BNC2: variants seen among roughly 807,000 people sequenced by gnomAD.
BNC2 encodes zinc finger protein basonuclin-2.
A neutral mutation model predicts 76.3 loss-of-function variants in BNC2; 20 were observed. The observed-to-expected ratio is 0.26, with a 90% CI of 0.18 to 0.38. The LOEUF (loss-of-function observed/expected upper bound fraction) is 0.38, where lower values mean the gene tolerates loss of function less well. Among genes scored for constraint, BNC2 ranks in the 10% least tolerant of loss-of-function variants. The pLI is 1.00. For missense variants in BNC2, 1,382 were observed against 1,399.8 expected (o/e 0.99, Z 0.20); for synonymous variants, 582 against 514.8 (o/e 1.13, Z -1.77).
intron 1 of BNC2, among the ~76,000 whole-genome samples, chr9:16,854,562 A>G (rs576097433): frequency 6.6e-6 from 1 of 152,148 alleles, no homozygotes; most frequent in African/African-American, 2.4e-5. Context: ...CTTGCAATAT[A>G]TATCTTTTTT....
At chr9:16,561,435 T>C (rs914061221) in intron 4 of BNC2, among the ~76,000 whole-genome samples, 2 of 152,154 alleles carry the variant, frequency 1.3e-5, no homozygotes, top group African/African-American at 2.4e-5. Context: ...CTCAGTAGAG[T>C]ATGCCTAAGC....
Position 16,418,348 on chromosome 9 carries a change from AAACT to A in BNC2, c.*637_*640del, listed in dbSNP as rs1820629140. The A allele has an allele frequency of 6.5e-6, 1 of 152,786 alleles. No individual in the cohort carries two copies. Among genetic ancestry groups the A allele is most frequent in the Non-Finnish European group, 1.5e-5 (1 of 68,158 alleles). 9.5% of individuals were successfully genotyped at this position (152,786 alleles called of 1,614,324 possible). A position where few individuals can be genotyped will look rare whatever the true frequency, so the allele number is the denominator to read the frequency against. On this transcript the variant is annotated 3_prime_UTR_variant, in exon 7 of 7. Coordinates refer to ENST00000380672, the MANE Select transcript of BNC2 (RefSeq NM_017637.6). ...ACATAAATGAATAGAGCTAGCCAGC[AAACT>A]ATCTTTTCCTGCATATCTAACAGCT...
At chr9:16,855,174 GAACA>G (rs977310832) in intron 1 of BNC2, among the ~76,000 whole-genome samples, 2 of 152,016 alleles carry the variant, frequency 1.3e-5, no homozygotes, top group African/African-American at 4.8e-5. Flanking sequence ...CTCAGCTGGT[GAACA>G]AACTGAATGC....
rs368373957 is a variant in BNC2 at position 16,485,111 on chromosome 9, G to GACACACACAGAC, written c.670-47588_670-47587insGTCTGTGTGTGT. 4.5e-3 allele frequency among the ~76,000 whole-genome samples: 653 copies of GACACACACAGAC among 143,660 alleles called. 4 individuals are homozygous for GACACACACAGAC. Among genetic ancestry groups the GACACACACAGAC allele is most frequent in the Non-Finnish European group, 7.4e-3 (473 of 63,914 alleles). 94.2% of individuals were successfully genotyped at this position (143,660 alleles called of 152,430 possible). A position where few individuals can be genotyped will look rare whatever the true frequency, so the allele number is the denominator to read the frequency against. ...ACACACACACACAGAGACACACACA[G>GACACACACAGAC]ACACACACACACACACACACTATTT... is the stretch of plus-strand genomic sequence containing the variant. On this transcript the variant is annotated intron_variant, in intron 5 of 6. Transcript: ENST00000380672.
chr9:16,787,974 G>A (rs112121727), intron 1 of BNC2, among the ~76,000 whole-genome samples: 1 of 152,106 alleles, frequency 6.6e-6, no homozygotes, highest in African/African-American at 2.4e-5. Flanking sequence ...CTAAATATGG[G>A]TAATATTGTG....
chr9:16,449,850 A>T (rs12342556), intron 5 of BNC2, among the ~76,000 whole-genome samples: 51,729 of 117,818 alleles, frequency 0.44, 9,978 homozygotes, highest in East Asian at 0.6. Context: ...GCGGGGGGGG[A>T]GGGTAACTAA....
At chr9:16,655,929 G>A (rs1371618132) in intron 3 of BNC2, among the ~76,000 whole-genome samples, 1 of 152,198 alleles carries the variant, frequency 6.6e-6, no homozygotes, top group Non-Finnish European at 1.5e-5. Flanking sequence ...CTGACAGAAT[G>A]AAGATGGACA....
At chr9:16,655,758 A>G (rs944969194) in intron 3 of BNC2, among the ~76,000 whole-genome samples, 6 of 152,176 alleles carry the variant, frequency 3.9e-5, no homozygotes, top group Admixed American at 1.3e-4. Context: ...AACTGTTCCA[A>G]ATGGCAAAAT....
intron 3 of BNC2, among the ~76,000 whole-genome samples, chr9:16,664,126 A>G (rs920947369): frequency 1.3e-5 from 2 of 152,154 alleles, no homozygotes; most frequent in African/African-American, 2.4e-5. Context: ...AAAGGGAAAT[A>G]CCACGACAAA....
chr9:16,706,048 A>G (rs967885834), intron 3 of BNC2, among the ~76,000 whole-genome samples: 1 of 152,276 alleles, frequency 6.6e-6, no homozygotes, highest in African/African-American at 2.4e-5. Context: ...AAAAGTATGT[A>G]TACCAAATGA....
At chr9:16,548,958 TA>T (rs938006694) in intron 5 of BNC2, among the ~76,000 whole-genome samples, 9 of 152,242 alleles carry the variant, frequency 5.9e-5, no homozygotes, top group African/African-American at 2.2e-4. Flanking sequence ...GTGAATTATA[TA>T]GACACTCACA....
At chr9:16,536,747 T>C (rs945902124) in intron 5 of BNC2, among the ~76,000 whole-genome samples, 1 of 152,200 alleles carries the variant, frequency 6.6e-6, no homozygotes, top group South Asian at 2.1e-4. Flanking sequence ...TTCGTATTTT[T>C]GCTCTTTCTT....
At chr9:16,701,000 C>T (rs1823494957) in intron 3 of BNC2, among the ~76,000 whole-genome samples, 3 of 152,098 alleles carry the variant, frequency 2.0e-5, no homozygotes, top group Admixed American at 6.6e-5. Flanking sequence ...ATAATAACAT[C>T]GCCAAGCACA....
chr9:16,842,593 A>T (rs574621416), intron 1 of BNC2, among the ~76,000 whole-genome samples: 5 of 152,292 alleles, frequency 3.3e-5, no homozygotes, highest in Non-Finnish European at 7.3e-5. Flanking sequence ...TATACTAAAA[A>T]CCAGTGACTA....
intron 3 of BNC2, among the ~76,000 whole-genome samples, chr9:16,632,844 C>G (rs1460504406): frequency 6.6e-6 from 1 of 152,126 alleles, no homozygotes; most frequent in Non-Finnish European, 1.5e-5. Flanking sequence ...CCTGTAAAAA[C>G]CACTTTCTCA....
chr9:16,563,412 A>G (rs1819072839), intron 4 of BNC2, among the ~76,000 whole-genome samples: 1 of 152,138 alleles, frequency 6.6e-6, no homozygotes, highest in Non-Finnish European at 1.5e-5. Context: ...TGAGGCCAAG[A>G]GTTCGAGACC....
intron 5 of BNC2, among the ~76,000 whole-genome samples, chr9:16,505,345 C>A (rs1055319985): frequency 6.6e-6 from 1 of 152,102 alleles, no homozygotes; most frequent in Admixed American, 6.5e-5. Context: ...AGTAAATAAT[C>A]GAAACAAAGA....
chr9:16,581,223 C>A (rs1431655624), intron 4 of BNC2, among the ~76,000 whole-genome samples: 1 of 152,086 alleles, frequency 6.6e-6, no homozygotes, highest in Non-Finnish European at 1.5e-5. Flanking sequence ...GGGCCCTAAT[C>A]CAATCTGACT....
chr9:16,754,554 TCA>T (rs1825320014), intron 1 of BNC2, among the ~76,000 whole-genome samples: 6 of 152,066 alleles, frequency 3.9e-5, no homozygotes, highest in Admixed American at 2.6e-4. Flanking sequence ...ATTCAAATAG[TCA>T]TTTTTTTTTC....
Sources: allele counts gnomAD v4.1 joint callset (sites outside exome capture counted in the v4.1 genomes callset), GRCh38; gene constraint gnomAD v4.1.1; transcripts MANE v1.5; gene names NCBI Gene and HGNC (gene_info 2026-07-23, HGNC 2026-07-21).